Variants in SIMC1 observed in about 807,000 individuals in gnomAD.
SIMC1 encodes SUMO interacting motifs containing 1.
SIMC1 carries 55 observed loss-of-function variants against 82.3 expected under a neutral mutation model. The observed-to-expected ratio is 0.67, with a 90% CI of 0.54 to 0.84. The LOEUF (loss-of-function observed/expected upper bound fraction) is 0.84. Ranked by LOEUF, SIMC1 falls within the 40% of genes least tolerant of loss-of-function variation. SIMC1 has a pLI of 0.00. For synonymous variants in SIMC1, 353 were observed against 426.3 expected, an observed-to-expected ratio of 0.83 and a Z score of 2.12; for missense variants, 915 against 1,107.2, an observed-to-expected ratio of 0.83 and a Z score of 2.46.
chr5:176,321,885 C>T (rs1198190380), intron 5 of SIMC1, among the ~76,000 whole-genome samples: 14 of 90,708 alleles, frequency 1.5e-4, no homozygotes, highest in East Asian at 7.4e-4. Context: ...TTTTAGTTAG[C>T]TTTTTTTTTT....
At chr5:176,276,368 T>G (rs1180622527) in intron 1 of SIMC1, among the ~76,000 whole-genome samples, 6 of 151,666 alleles carry the variant, frequency 4.0e-5, no homozygotes, top group Non-Finnish European at 7.4e-5. Flanking sequence ...TCTCTTTTTT[T>G]CTTTATTAGT....
chr5:176,295,619 C>G (rs1763780066), intron 3 of SIMC1, among the ~76,000 whole-genome samples: 1 of 150,576 alleles, frequency 6.6e-6, no homozygotes, highest in Non-Finnish European at 1.5e-5. Context: ...GCCTCTCAGC[C>G]TCAGTTCTGT....
intron 1 of SIMC1, among the ~76,000 whole-genome samples, chr5:176,277,303 T>A (rs1030964187): frequency 2.0e-5 from 3 of 151,936 alleles, no homozygotes; most frequent in African/African-American, 7.3e-5. Flanking sequence ...TTCTTTGTTT[T>A]TTTCTTGTAA....
chr5:176,320,062 A>C (rs951594746), intron 5 of SIMC1, among the ~76,000 whole-genome samples: 14 of 152,322 alleles, frequency 9.2e-5, no homozygotes, highest in African/African-American at 3.1e-4. Context: ...GGTTTTACAG[A>C]GAGGACATCC....
At chr5:176,243,030 T>G (rs1457269253) in intron 1 of SIMC1, among the ~76,000 whole-genome samples, 1 of 152,108 alleles carries the variant, frequency 6.6e-6, no homozygotes, top group Non-Finnish European at 1.5e-5. Context: ...GATTCATTTA[T>G]TCAATAAATA....
chr5:176,330,100 T>C (rs755846781), intron 7 of SIMC1, among the ~76,000 whole-genome samples: 2 of 151,850 alleles, frequency 1.3e-5, no homozygotes, highest in Non-Finnish European at 2.9e-5. Flanking sequence ...AAATTCCAGT[T>C]TACATGAAAG....
At chr5:176,306,507 G>C (rs975223807) in intron 4 of SIMC1, among the ~76,000 whole-genome samples, 3 of 147,502 alleles carry the variant, frequency 2.0e-5, no homozygotes, top group African/African-American at 7.4e-5. Context: ...GAAATCGGAT[G>C]GTTGCCGTGT....
rs552944300 is a variant in SIMC1 at position 176,296,842 on chromosome 5, G to A, written c.1734+522G>A. On this transcript the variant is annotated intron_variant, in intron 4 of 9. Transcript: ENST00000429602. ...CCTTGAGATCCCATTAAAAATAATA[G>A]TAAATGAATAGAGAAAGTTATAAAT... is the stretch of plus-strand genomic sequence containing the variant. Among the ~76,000 whole-genome samples, 5 of 152,204 alleles carry A rather than the reference G, an allele frequency of 3.3e-5. No homozygotes were observed. In the South Asian group the frequency reaches 1.0e-3, roughly 32 times the overall value.
chr5:176,336,015 G>C (rs1765873592), intron 7 of SIMC1, among the ~76,000 whole-genome samples: 1 of 151,808 alleles, frequency 6.6e-6, no homozygotes, highest in African/African-American at 2.4e-5. Flanking sequence ...CTGCACTCCA[G>C]CCTGGATGAC....
In SIMC1 at chr5:176,336,802, C is replaced by A; in HGVS notation, c.2254C>A (p.Pro752Thr). The A allele has an allele frequency of 6.2e-7, 1 of 1,614,030 alleles. No individual in the cohort carries two copies. The highest frequency in any genetic ancestry group is 1.6e-4 in the Middle Eastern group (1 of 6,062). The change falls in exon 8 of 10, where the codon CCC becomes ACC. Residue 752 changes from proline (P) to threonine (T), a missense_variant. Pro to Thr is a conservative substitution (Grantham distance 38, BLOSUM62 -1). Transcript: ENST00000429602. ...CATATTCCTCCACAGCTGTGAGACA[C>A]CCACCCGCCTGCCTCTGTCTCTGGC... ...EIIFLHSCET[P>T]TRLPLSLAQA...
At chr5:176,336,943 C>T in intron 8 of SIMC1, 67 bp downstream of exon 8, 1 of 1,603,024 alleles carries the variant, frequency 6.2e-7, no homozygotes, top group Non-Finnish European at 8.5e-7. Flanking sequence ...GAACCCTTCC[C>T]ATAGGATTTT....
chr5:176,256,321 G>A (rs556652355), intron 1 of SIMC1, among the ~76,000 whole-genome samples: 3 of 152,128 alleles, frequency 2.0e-5, no homozygotes, highest in East Asian at 3.9e-4. Context: ...ATATATACAC[G>A]TATTTTTTAA....
At chr5:176,324,599 A>C (rs781656061) in intron 6 of SIMC1, 30 bp from the exon 7 acceptor site, 1 of 1,605,430 alleles carries the variant, frequency 6.2e-7, no homozygotes, top group Non-Finnish European at 8.5e-7. Context: ...AGACCCTCAC[A>C]CTCATCTGTG....
At chr5:176,243,319 C>T (rs563874424) in intron 1 of SIMC1, among the ~76,000 whole-genome samples, 19 of 152,094 alleles carry the variant, frequency 1.2e-4, no homozygotes, top group South Asian at 1.2e-3. Context: ...AGTTTGGAGG[C>T]GGGAATGAGC....
chr5:176,258,547 T>C (rs1345539291), intron 1 of SIMC1, among the ~76,000 whole-genome samples: 1 of 150,836 alleles, frequency 6.6e-6, no homozygotes, highest in African/African-American at 2.4e-5. Context: ...TTTGGAAAAA[T>C]AGACTCACGA....
intron 1 of SIMC1, among the ~76,000 whole-genome samples, chr5:176,248,849 A>G (rs1484603237): frequency 6.6e-6 from 1 of 152,154 alleles, no homozygotes; most frequent in African/African-American, 2.4e-5. Flanking sequence ...CCTTTTCTGC[A>G]TCTATTGAGA....
At chr5:176,258,821 A>G (rs1490267663) in intron 1 of SIMC1, among the ~76,000 whole-genome samples, 2 of 152,114 alleles carry the variant, frequency 1.3e-5, no homozygotes, top group Non-Finnish European at 2.9e-5. Flanking sequence ...ATCACTTCCA[A>G]CATCCCTCAT....
chr5:176,331,249 A>AC (rs1445920671), intron 7 of SIMC1, among the ~76,000 whole-genome samples: 2 of 151,742 alleles, frequency 1.3e-5, no homozygotes, highest in Non-Finnish European at 2.9e-5. Context: ...AGGCCCCTGT[A>AC]GTCCCAGCTA....
chr5:176,312,229 T>C (rs567946529), intron 4 of SIMC1, among the ~76,000 whole-genome samples: 18 of 152,306 alleles, frequency 1.2e-4, no homozygotes, highest in Non-Finnish European at 2.2e-4. Flanking sequence ...TAGAAGACTT[T>C]CTTTTTATCA....
Sources: allele counts gnomAD v4.1 joint callset (sites outside exome capture counted in the v4.1 genomes callset), GRCh38; gene constraint gnomAD v4.1.1; transcripts MANE v1.5; gene names NCBI Gene and HGNC (gene_info 2026-07-23, HGNC 2026-07-21).